Variants in LTBP3 observed in about 807,000 individuals in gnomAD.
LTBP3 encodes latent transforming growth factor beta binding protein 3, also known as latent-transforming growth factor beta-binding protein 3.
A neutral mutation model predicts 159.7 loss-of-function variants in LTBP3; 97 were observed. That is an observed-to-expected ratio of 0.61 (90% CI 0.52 to 0.72). The LOEUF (loss-of-function observed/expected upper bound fraction) is 0.72. Among genes scored for constraint, LTBP3 ranks in the 30% least tolerant of loss-of-function variants. The probability of loss-of-function intolerance (pLI) is 0.00; values close to 1 mark genes in which losing one functional copy is unlikely to be tolerated. For synonymous variants in LTBP3, 824 were observed against 777.1 expected (o/e 1.06, Z -1.00); for missense variants, 1,584 against 1,864.3 (o/e 0.85, Z 2.77).
intron 1 of LTBP3, among the ~76,000 whole-genome samples, chr11:65,555,867 G>A (rs1856791695): frequency 6.6e-6 from 1 of 152,108 alleles, no homozygotes; most frequent in South Asian, 2.1e-4. Context: ...GCCTCACAGG[G>A]ACAGCCCATA....
intron 11 of LTBP3, among the ~76,000 whole-genome samples, chr11:65,550,212 A>G (rs1856552375): frequency 6.6e-6 from 1 of 152,120 alleles, no homozygotes; most frequent in Non-Finnish European, 1.5e-5. Context: ...GATCAAGACC[A>G]TCCTGATTAA....
chr11:65,539,552 T>C lies in LTBP3; in HGVS notation c.3624A>G (p.Pro1208=). 1 of 1,612,306 alleles carries C rather than the reference T, an allele frequency of 6.2e-7. No homozygotes were observed. Residue 1208 remains proline (P), a synonymous_variant, in exon 26 of 28, where the codon CCA becomes CCG. Coordinates refer to ENST00000301873, the MANE Select transcript of LTBP3 (RefSeq NM_001130144.3). ...DTSPLLLGKP[P]RDEDSSEEDS... ...GCCCGACCCGGCAGCACTCACCTCT[T>C]GGGGGCTTCCCCAACAGCAGGGGGC... is the stretch of plus-strand genomic sequence containing the variant.
chr11:65,539,296 G>T, intron 27 of LTBP3, 32 bp downstream of exon 27: 3 of 596,140 alleles, frequency 5.0e-6, no homozygotes, highest in Non-Finnish European at 2.9e-6. Flanking sequence ...CACCGGCCCC[G>T]CCCCTGCCCC....
At chr11:65,551,786 TAGG>T (rs749723007) in intron 8 of LTBP3, 183 bp downstream of exon 8, 48 of 911,256 alleles carry the variant, frequency 5.3e-5, no homozygotes, top group Non-Finnish European at 7.9e-5. Flanking sequence ...GTAGAAGGCT[TAGG>T]AGGTTATAGC....
Position 65,546,688 on chromosome 11 carries a change from C to G in LTBP3, c.2230+110G>C, listed in dbSNP as rs1477371079. 27 of 1,534,718 alleles carry G rather than the reference C, an allele frequency of 1.8e-5. No individual in the cohort carries two copies. The Admixed American group carries it at 5.1e-4, about 29-fold the overall frequency. ...AGGGCAGCCTCTACTCCCGGAAGGC[C>G]CCGCCCCCAGACGCCAATCACCACC... On this transcript the variant is annotated intron_variant, in intron 15 of 27. Coordinates refer to ENST00000301873, the MANE Select transcript of LTBP3 (RefSeq NM_001130144.3). This position sits in a 1 kb window ranked among gnomAD's most constrained non-coding sequence, Gnocchi z 4.0.
At position 65,540,583 on chromosome 11, in the gene LTBP3, C is replaced by G. The variant is rs142872641; in HGVS notation, c.3009G>C (p.Glu1003Asp). The G allele has an allele frequency of 6.2e-7, 1 of 1,613,840 alleles. No homozygotes were observed. Among genetic ancestry groups the G allele is most frequent in the South Asian group, 1.1e-5 (1 of 91,090 alleles). The change falls in exon 22 of 28, where the codon GAG (glutamate) becomes GAC (aspartate). Residue 1003 changes from glutamate (E) to aspartate (D), a missense_variant. Transcript: ENST00000301873. ...DIDECMLFGS[E>D]ICKEGKCVNT... Reference sequence around the variant, plus strand: ...TCACGCACTTGCCCTCCTTGCAAATCTCCGACCCGAACAACATGCACTCGT... The same window carrying G: ...TCACGCACTTGCCCTCCTTGCAAATGTCCGACCCGAACAACATGCACTCGT...
Position 65,546,282 on chromosome 11 carries a change from G to A in LTBP3, c.2353+160C>T. On this transcript the variant is annotated intron_variant, in intron 16 of 27. Coordinates refer to ENST00000301873, the MANE Select transcript of LTBP3 (RefSeq NM_001130144.3). The surrounding 1 kb of genome is among the most constrained non-coding windows in gnomAD (Gnocchi z 4.0). ...CCCTTCCTACGTGGAAATTCTAGTG[G>A]TGCCTTCCTTGGCAAAGTTCGTTGA... The A allele has an allele frequency of 1.1e-6, 1 of 922,732 alleles. No individual in the cohort carries two copies. The highest frequency in any genetic ancestry group is 2.9e-5 in the East Asian group (1 of 34,066). 57.2% of individuals were successfully genotyped at this position (922,732 alleles called of 1,614,324 possible).
chr11:65,541,375 C>T, intron 19 of LTBP3, 82 bp from the exon 20 acceptor site: 1 of 1,531,024 alleles, frequency 6.5e-7, no homozygotes, highest in Middle Eastern at 2.3e-4. Context: ...CAGGTCTTTC[C>T]CCCCACATTC....
In LTBP3 at chr11:65,553,702, G is replaced by A; in HGVS notation, c.863C>T (p.Pro288Leu). ...GATCCCGACTGTGGATTCACTCACCGGCTGCTTGGGCAGAGTGTCCTGAAA... is the reference window on the plus strand; with the variant it reads ...GATCCCGACTGTGGATTCACTCACCAGCTGCTTGGGCAGAGTGTCCTGAAA... ...RCFQDTLPKQ[P>L]CGSNPLPGLT... The change falls in exon 3 of 28, where the codon CCG becomes CTG. Residue 288 changes from proline (P) to leucine (L), a missense_variant and splice_region_variant. Transcript: ENST00000301873. This position sits in a 1 kb window ranked among gnomAD's most constrained non-coding sequence, Gnocchi z 6.5. The A allele has an allele frequency of 6.4e-7, 1 of 1,574,680 alleles. No homozygotes were observed. Among genetic ancestry groups the A allele is most frequent in the South Asian group, 1.1e-5 (1 of 87,548 alleles).
rs1229276573 is a variant in LTBP3 at position 65,547,234 on chromosome 11, C to G, written c.2107+205G>C. Among the ~76,000 whole-genome samples, 1 of 152,110 alleles carries G rather than the reference C, an allele frequency of 6.6e-6. No homozygotes were observed. The highest frequency in any genetic ancestry group is 1.9e-4 in the East Asian group (1 of 5,192). On this transcript the variant is annotated intron_variant, in intron 14 of 27. Transcript: ENST00000301873. This position sits in a 1 kb window ranked among gnomAD's most constrained non-coding sequence, Gnocchi z 4.6. ...TGGCAGGCGCCCGTAATCCCAGCTA[C>G]TCGGGAGGCTGAGGCAGGAGAATCG...
intron 11 of LTBP3, among the ~76,000 whole-genome samples, chr11:65,549,593 G>GTTTATTTTT: frequency 9.1e-6 from 1 of 109,920 alleles, no homozygotes; most frequent in Admixed American, 1.1e-4. Context: ...TTTTTTTTTG[G>GTTTATTTTT]ATTTTTAGTA....
rs1856740199 is a variant in LTBP3, at chr11:65,554,602, G to C, written c.332-222C>G. On this transcript the variant is annotated intron_variant, in intron 1 of 27. Coordinates refer to ENST00000301873, the MANE Select transcript of LTBP3 (RefSeq NM_001130144.3). This position sits in a 1 kb window ranked among gnomAD's most constrained non-coding sequence, Gnocchi z 5.3. ...TAAATCCTCGCTAAGCCATGTGCCAGCTGTGCGACCCTGAGCAACTCACGT... is the reference window on the plus strand; with the variant it reads ...TAAATCCTCGCTAAGCCATGTGCCACCTGTGCGACCCTGAGCAACTCACGT... Among the ~76,000 whole-genome samples the C allele has an allele frequency of 6.6e-6, 1 of 152,058 alleles. No individual in the cohort carries two copies. The highest frequency in any genetic ancestry group is 2.1e-4 in the South Asian group (1 of 4,832).
Position 65,557,964 on chromosome 11 carries a change from G to T in LTBP3, c.-5C>A. The T allele has an allele frequency of 8.7e-7, 1 of 1,154,338 alleles. No homozygotes were observed. The highest frequency in any genetic ancestry group is 1.1e-6 in the Non-Finnish European group (1 of 941,542). The allele number at this position is 1,154,338 out of a possible 1,614,324, so 71.5% of individuals were successfully genotyped here. ...AGCCCCTCGGGGCCCGGGCATCCGG[G>T]GCCGCAGGACCCGGGGGAGGGGGGG... On this transcript the variant is annotated 5_prime_UTR_variant, in exon 1 of 28. Transcript: ENST00000301873.
In LTBP3 at chr11:65,550,291, A is replaced by AAT; in HGVS notation, c.1720+834_1720+835insAT. 2.0e-5 allele frequency among the ~76,000 whole-genome samples: 3 copies of AAT among 152,252 alleles called. No homozygotes were observed. The East Asian group carries it at 5.8e-4, about 29-fold the overall frequency. On this transcript the variant is annotated intron_variant, in intron 11 of 27. Transcript: ENST00000301873. Reference sequence around the variant, plus strand: ...GCCGGGTGTGGTGGTGGGCGCCTGTAGTCCCAGCTACTCAGGAGGCTGAGG... The same window carrying AAT: ...GCCGGGTGTGGTGGTGGGCGCCTGTAATGTCCCAGCTACTCAGGAGGCTGAGG...
intron 8 of LTBP3, 145 bp from the exon 9 acceptor site, chr11:65,551,709 G>C (rs1007231595): frequency 1.8e-6 from 2 of 1,096,684 alleles, no homozygotes; most frequent in African/African-American, 1.5e-5. Flanking sequence ...TTAGATTCTG[G>C]GGTTAGGGTG....
Position 65,553,405 on chromosome 11 carries a change from C to G in LTBP3, c.970+20G>C, listed in dbSNP as rs1359064092. On this transcript the variant is annotated intron_variant, in intron 4 of 27. Coordinates refer to ENST00000301873, the MANE Select transcript of LTBP3 (RefSeq NM_001130144.3). This position sits in a 1 kb window ranked among gnomAD's most constrained non-coding sequence, Gnocchi z 6.5. ...GAGGGGCCACCAGATAGGGAACGCC[C>G]CCTGAGCCCAAGCACTCACACTGCA... The G allele has an allele frequency of 2.5e-6, 4 of 1,603,756 alleles. No individual in the cohort carries two copies. The highest frequency in any genetic ancestry group is 3.4e-6 in the Non-Finnish European group (4 of 1,172,948).
In LTBP3 at chr11:65,541,695, C is replaced by T. The variant is rs746567483; in HGVS notation, c.2630G>A (p.Cys877Tyr). The change falls in exon 19 of 28, where the codon TGC becomes TAC. Residue 877 changes from cysteine (C) to tyrosine (Y), a missense_variant. Transcript: ENST00000301873. ...GTTCTTGCAGGCCCCATGGGGAAGGCACAGGCTCGGGTCCTGGCTGCACTC... is the reference window on the plus strand; with the variant it reads ...GTTCTTGCAGGCCCCATGGGGAAGGTACAGGCTCGGGTCCTGGCTGCACTC... The part of the protein sequence containing the change: ...IDECSQDPSL[C>Y]LPHGACKNLQ... 1.2e-6 allele frequency: 2 copies of T among 1,614,150 alleles called. No homozygotes were observed. Among genetic ancestry groups the T allele is most frequent in the Non-Finnish European group, 8.5e-7 (1 of 1,179,994 alleles).
Position 65,547,633 on chromosome 11 carries a change from G to A in LTBP3, c.1978+57C>T. The A allele has an allele frequency of 6.2e-7, 1 of 1,608,968 alleles. No homozygotes were observed. The highest frequency in any genetic ancestry group is 8.5e-7 in the Non-Finnish European group (1 of 1,178,478). On this transcript the variant is annotated intron_variant, in intron 13 of 27. Coordinates refer to ENST00000301873, the MANE Select transcript of LTBP3 (RefSeq NM_001130144.3). This position sits in a 1 kb window ranked among gnomAD's most constrained non-coding sequence, Gnocchi z 4.6. ...GGCGGGCAAGGGGAGGGATTACACGGCGGTCTGGAGGAGAGCCCGTCCCAC... is the reference window on the plus strand; with the variant it reads ...GGCGGGCAAGGGGAGGGATTACACGACGGTCTGGAGGAGAGCCCGTCCCAC...
At chr11:65,540,739 C>CGGGGCCTGCAGGAG in intron 21 of LTBP3, 125 bp from the exon 22 acceptor site, 2 of 897,078 alleles carry the variant, frequency 2.2e-6, no homozygotes, top group Non-Finnish European at 3.0e-6. Context: ...GCCTACAGGG[C>CGGGGCCTGCAGGAG]GGGGCCTGCG....
Sources: allele counts gnomAD v4.1 joint callset (sites outside exome capture counted in the v4.1 genomes callset), GRCh38; gene constraint gnomAD v4.1.1; non-coding constraint Gnocchi (gnomAD v3.1); transcripts MANE v1.5; gene names NCBI Gene and HGNC (gene_info 2026-07-23, HGNC 2026-07-21).